Variants in FAM171A1 observed in about 807,000 individuals in gnomAD.
FAM171A1 encodes the protein family with sequence similarity 171 member A1, also known as protein FAM171A1.
Under a neutral mutation model 74.9 loss-of-function variants are expected in FAM171A1, and 23 were observed. The observed-to-expected ratio is 0.31, with a 90% CI of 0.22 to 0.44. FAM171A1 has a LOEUF of 0.44. Ranked by LOEUF, FAM171A1 falls within the 20% of genes least tolerant of loss-of-function variation. The pLI is 1.00. For missense variants in FAM171A1, 1,162 were observed against 1,159.2 expected (o/e 1.00, Z -0.03); for synonymous variants, 527 against 505.7 (o/e 1.04, Z -0.57).
chr10:15,364,552 G>C (rs1240882859), intron 1 of FAM171A1, among the ~76,000 whole-genome samples: 4 of 152,184 alleles, frequency 2.6e-5, no homozygotes, highest in African/African-American at 9.7e-5. Context: ...TTAGGGGTTA[G>C]GGTCTGTGTT....
intron 1 of FAM171A1, among the ~76,000 whole-genome samples, chr10:15,309,998 T>A (rs779836503): frequency 6.6e-6 from 1 of 152,190 alleles, no homozygotes; most frequent in Non-Finnish European, 1.5e-5. Context: ...GAGCAACAAA[T>A]ACAAGTTGTC....
intron 1 of FAM171A1, among the ~76,000 whole-genome samples, chr10:15,327,943 A>AT (rs1835576666): frequency 1.3e-5 from 2 of 151,230 alleles, no homozygotes; most frequent in Non-Finnish European, 3.0e-5. Context: ...AAAAGTAAAA[A>AT]AAAAAAAAAA....
chr10:15,368,693 C>A (rs900163879), intron 1 of FAM171A1, among the ~76,000 whole-genome samples: 1 of 152,218 alleles, frequency 6.6e-6, no homozygotes, highest in Non-Finnish European at 1.5e-5. Context: ...TAACAACCTA[C>A]AACCCACTGT....
At chr10:15,261,235 A>T (rs1335334039) in intron 3 of FAM171A1, among the ~76,000 whole-genome samples, 1 of 152,238 alleles carries the variant, frequency 6.6e-6, no homozygotes, top group African/African-American at 2.4e-5. Context: ...TGCCACCTGA[A>T]GGAAAACTAA....
At chr10:15,232,306 C>G (rs1834217458) in intron 5 of FAM171A1, among the ~76,000 whole-genome samples, 1 of 152,114 alleles carries the variant, frequency 6.6e-6, no homozygotes, top group Non-Finnish European at 1.5e-5. Context: ...TCCAAAGGCT[C>G]TGACCAGCTA....
At chr10:15,267,003 C>A (rs1834752481) in intron 3 of FAM171A1, among the ~76,000 whole-genome samples, 1 of 152,174 alleles carries the variant, frequency 6.6e-6, no homozygotes, top group African/African-American at 2.4e-5. Context: ...TGGAGCTCCA[C>A]CTCAGGTAGA....
chr10:15,338,345 T>C (rs967841706), intron 1 of FAM171A1, among the ~76,000 whole-genome samples: 1 of 152,198 alleles, frequency 6.6e-6, no homozygotes, highest in African/African-American at 2.4e-5. Flanking sequence ...ATAAACAATA[T>C]ACATTATGTG....
chr10:15,232,468 C>T (rs552981474), intron 5 of FAM171A1, among the ~76,000 whole-genome samples: 7 of 152,288 alleles, frequency 4.6e-5, no homozygotes, highest in Admixed American at 3.9e-4. Context: ...CAAGAGCCTA[C>T]AACAGAGTCA....
At chr10:15,330,788 G>C (rs1359729671) in intron 1 of FAM171A1, among the ~76,000 whole-genome samples, 1 of 140,568 alleles carries the variant, frequency 7.1e-6, no homozygotes, top group Non-Finnish European at 1.5e-5. Context: ...CACAATCTTG[G>C]CTCACTGTAA....
At chr10:15,361,703 A>T (rs920714306) in intron 1 of FAM171A1, among the ~76,000 whole-genome samples, 2 of 152,110 alleles carry the variant, frequency 1.3e-5, no homozygotes, top group Non-Finnish European at 2.9e-5. Context: ...CATAAATCTT[A>T]CTGATAGGAC....
chr10:15,235,224 C>CCT (rs1834269365), intron 5 of FAM171A1, among the ~76,000 whole-genome samples: 1 of 145,474 alleles, frequency 6.9e-6, no homozygotes, highest in African/African-American at 2.6e-5. Context: ...ATCGCTTGAA[C>CCT]CTGGGAGGCA....
chr10:15,361,925 T>C (rs1355684022), intron 1 of FAM171A1, among the ~76,000 whole-genome samples: 1 of 152,214 alleles, frequency 6.6e-6, no homozygotes, highest in Admixed American at 6.5e-5. Context: ...TGCCTCTCTA[T>C]CCTTGTGGGA....
chr10:15,283,884 A>G lies in FAM171A1; in HGVS notation c.319T>C (p.Leu107=), dbSNP rs1422931229. 1.9e-6 allele frequency: 3 copies of G among 1,614,158 alleles called. No homozygotes were observed. The highest frequency in any genetic ancestry group is 2.5e-6 in the Non-Finnish European group (3 of 1,179,996). ...AAGATGAGGAACGCCTTACCAGGTA[A>G]CCGGATTGGCTTCCATGGGGCAGAG... is the stretch of plus-strand genomic sequence containing the variant. ...PNSAPWKPIR[L]PVFSSLSLGL... is the part of the protein sequence containing the mutation. Residue 107 remains leucine (L), a synonymous_variant, in exon 2 of 8, where the codon TTA becomes CTA. Coordinates refer to ENST00000378116, the MANE Select transcript of FAM171A1 (RefSeq NM_001010924.2).
chr10:15,234,758 T>C (rs1201318486), intron 5 of FAM171A1, among the ~76,000 whole-genome samples: 2 of 151,932 alleles, frequency 1.3e-5, no homozygotes, highest in African/African-American at 4.8e-5. Flanking sequence ...GTTCACGCCA[T>C]TCTCTTGCCT....
At chr10:15,243,975 C>T (rs1420800627) in intron 5 of FAM171A1, among the ~76,000 whole-genome samples, 3 of 152,142 alleles carry the variant, frequency 2.0e-5, no homozygotes, top group Non-Finnish European at 2.9e-5. Context: ...TGGTCTTGAT[C>T]TCCTAACCTC....
chr10:15,255,073 C>T (rs1834562031), intron 3 of FAM171A1, among the ~76,000 whole-genome samples, 194 bp from the exon 4 acceptor site: 2 of 152,120 alleles, frequency 1.3e-5, no homozygotes, highest in African/African-American at 2.4e-5. Flanking sequence ...GAAATAATAG[C>T]CCATTGTCAC....
At chr10:15,221,946 T>C (rs1834044011) in intron 5 of FAM171A1, among the ~76,000 whole-genome samples, 2 of 152,166 alleles carry the variant, frequency 1.3e-5, no homozygotes, top group Admixed American at 6.5e-5. Context: ...AGCAAACTCA[T>C]TGAAGAGGAT....
At chr10:15,312,673 G>GTTTTTTTTTTGTTTTTTTTTTT (rs1835375249) in intron 1 of FAM171A1, among the ~76,000 whole-genome samples, 1 of 36,382 alleles carries the variant, frequency 2.7e-5, no homozygotes, top group African/African-American at 1.2e-4. Context: ...AGCACTGTGT[G>GTTTTTTTTTTGTTTTTTTTTTT]TTTTTTTTTT....
At chr10:15,370,142 C>A (rs1159486536) in intron 1 of FAM171A1, among the ~76,000 whole-genome samples, 1 of 151,872 alleles carries the variant, frequency 6.6e-6, no homozygotes, top group East Asian at 1.9e-4. Flanking sequence ...TTCTCAGAGG[C>A]GACCACGTTA....
Sources: gnomAD v4.1 joint callset for allele counts (sites outside exome capture counted in the v4.1 genomes callset) on GRCh38, gnomAD v4.1.1 for gene constraint, MANE v1.5 for transcripts, NCBI Gene and HGNC (gene_info 2026-07-23, HGNC 2026-07-21) for gene names.